The following FGF2 variants were observed in gnomAD, a reference collection of about 807,000 sequenced individuals.
FGF2 encodes the protein fibroblast growth factor 2.
In FGF2, 13 loss-of-function variants were observed where a neutral mutation model predicts 15.9. The ratio of observed to expected loss-of-function variants is 0.82; its 90% CI spans 0.53 to 1.30. The LOEUF is 1.30. Ranked by LOEUF, FGF2 falls within the 50% of genes most tolerant of loss-of-function variation. The pLI, the probability that FGF2 is intolerant of heterozygous loss-of-function variation, is 0.00. For missense variants in FGF2, 163 were observed against 196.9 expected (o/e 0.83, Z 1.03); for synonymous variants, 90 against 78.4 (o/e 1.15, Z -0.78).
At chr4:122,832,787 G>A (rs1374451184) in intron 1 of FGF2, among the ~76,000 whole-genome samples, 1 of 152,230 alleles carries the variant, frequency 6.6e-6, no homozygotes, top group Non-Finnish European at 1.5e-5. Flanking sequence ...ATGGCACTGT[G>A]ATTTTAAGTG....
intron 1 of FGF2, among the ~76,000 whole-genome samples, chr4:122,871,943 A>G (rs1207653876): frequency 6.6e-6 from 1 of 152,176 alleles, no homozygotes; most frequent in Non-Finnish European, 1.5e-5. Flanking sequence ...ATGAAAACCC[A>G]AAAGGCCAAA....
At chr4:122,875,202 TA>T (rs1726813780) in intron 1 of FGF2, among the ~76,000 whole-genome samples, 1 of 152,270 alleles carries the variant, frequency 6.6e-6, no homozygotes, top group South Asian at 2.1e-4. Flanking sequence ...TTATTTCAAT[TA>T]ATTAGGTAAT....
chr4:122,843,646 A>G (rs1726042850), intron 1 of FGF2, among the ~76,000 whole-genome samples: 1 of 152,182 alleles, frequency 6.6e-6, no homozygotes, highest in Non-Finnish European at 1.5e-5. Flanking sequence ...ACATATCTTC[A>G]AAGAAGATAT....
chr4:122,870,549 C>A (rs938995911), intron 1 of FGF2, among the ~76,000 whole-genome samples: 6 of 152,082 alleles, frequency 3.9e-5, no homozygotes, highest in African/African-American at 1.4e-4. Context: ...CTGGTTTAGC[C>A]TTGGGACGGT....
At chr4:122,865,475 A>G (rs114994047) in intron 1 of FGF2, among the ~76,000 whole-genome samples, 2,914 of 151,964 alleles carry the variant, frequency 0.019, 92 homozygotes, top group African/African-American at 0.066. Flanking sequence ...TATTTTTTGT[A>G]GAGTGGGGTT....
intron 1 of FGF2, among the ~76,000 whole-genome samples, chr4:122,845,846 G>T (rs777536288): frequency 9.3e-4 from 141 of 152,270 alleles, no homozygotes; most frequent in Admixed American, 2.6e-4. Context: ...TCATTCTTGT[G>T]TTCACTGGAG....
At chr4:122,854,775 A>G (rs1265270864) in intron 1 of FGF2, among the ~76,000 whole-genome samples, 1 of 152,184 alleles carries the variant, frequency 6.6e-6, no homozygotes, top group African/African-American at 2.4e-5. Flanking sequence ...AATGCTCGTC[A>G]TTGATTGAGA....
intron 1 of FGF2, among the ~76,000 whole-genome samples, chr4:122,855,371 T>G (rs1726318911): frequency 6.6e-6 from 1 of 152,260 alleles, no homozygotes; most frequent in Non-Finnish European, 1.5e-5. Context: ...GCTTATGATT[T>G]CAGCGTACTG....
chr4:122,891,593 C>T (rs1727190794), intron 2 of FGF2, among the ~76,000 whole-genome samples: 1 of 152,040 alleles, frequency 6.6e-6, no homozygotes. Flanking sequence ...TTATTTTTGG[C>T]ATTATATACC....
At chr4:122,846,307 AT>A (rs1726107837) in intron 1 of FGF2, among the ~76,000 whole-genome samples, 1 of 152,360 alleles carries the variant, frequency 6.6e-6, no homozygotes, top group Non-Finnish European at 1.5e-5. Context: ...AATTACCCAA[AT>A]GTGAGACAGA....
chr4:122,829,010 TTTAAA>T (rs1277638836), intron 1 of FGF2, among the ~76,000 whole-genome samples: 3 of 151,680 alleles, frequency 2.0e-5, no homozygotes, highest in African/African-American at 4.9e-5. Context: ...AGAATTTCCC[TTTAAA>T]TTAAATTAAT....
In FGF2 at chr4:122,827,285, G is replaced by A. The variant is rs759255044; in HGVS notation, c.111G>A (p.Gly37=). ...CCAAGCGGCTGTACTGCAAAAACGG[G>A]GGCTTCTTCCTGCGCATCCACCCCG... ...KDPKRLYCKN[G]GFFLRIHPDG... The change falls in exon 1 of 3, where the codon GGG becomes GGA. Residue 37 remains glycine, a synonymous_variant. Coordinates refer to ENST00000644866, the MANE Select transcript of FGF2 (RefSeq NM_001361665.2). The surrounding 1 kb of genome is among the most constrained non-coding windows in gnomAD (Gnocchi z 4.2). 3 of 1,612,948 alleles carry A rather than the reference G, an allele frequency of 1.9e-6. No individual in the cohort carries two copies. The highest frequency in any genetic ancestry group is 2.2e-5 in the East Asian group (1 of 44,856).
At chr4:122,885,722 A>T (rs150816078) in intron 2 of FGF2, among the ~76,000 whole-genome samples, 21 of 152,106 alleles carry the variant, frequency 1.4e-4, no homozygotes, top group Admixed American at 1.2e-3. Context: ...TACTTTATTC[A>T]TGTTTCCTTA....
rs556823409 is a variant in FGF2, at chr4:122,889,322, A to G, written c.283-2889A>G. On this transcript the variant is annotated intron_variant, in intron 2 of 2. Coordinates refer to ENST00000644866, the MANE Select transcript of FGF2 (RefSeq NM_001361665.2). ...AAGTTGTTATAAGCCCTTAGAAGCC[A>G]CTTTCTTTGTGGTGGCATTCCTCTG... 3.3e-5 allele frequency among the ~76,000 whole-genome samples: 5 copies of G among 152,312 alleles called. No individual in the cohort carries two copies. In the South Asian group the frequency reaches 6.2e-4, roughly 19 times the overall value.
At chr4:122,826,727 C>A (rs1440897166), upstream of FGF2, 3 of 1,255,840 alleles carry the variant, frequency 2.4e-6, no homozygotes, top group South Asian at 3.1e-5. Flanking sequence ...AAAACCCGAG[C>A]GAGTAGGGGG....
At chr4:122,844,391 A>C (rs1332231808) in intron 1 of FGF2, among the ~76,000 whole-genome samples, 1 of 152,170 alleles carries the variant, frequency 6.6e-6, no homozygotes, top group Admixed American at 6.5e-5. Context: ...GAACCCCCTC[A>C]AAGTCATCAT....
chr4:122,840,515 T>A (rs1725959606), intron 1 of FGF2: 1 of 152,716 alleles, frequency 6.5e-6, no homozygotes, highest in Non-Finnish European at 1.5e-5. Context: ...AAAGCGAGTG[T>A]CTTTGACACC....
intron 1 of FGF2, among the ~76,000 whole-genome samples, chr4:122,846,982 G>C (rs963074458): frequency 2.6e-5 from 4 of 152,204 alleles, no homozygotes; most frequent in African/African-American, 9.7e-5. Flanking sequence ...GGTCAGGCCT[G>C]TGCCCGCGCA....
chr4:122,866,761 A>G (rs1477534119), intron 1 of FGF2, among the ~76,000 whole-genome samples: 5 of 152,354 alleles, frequency 3.3e-5, no homozygotes, highest in Middle Eastern at 3.4e-3. Flanking sequence ...TTGCATTGGA[A>G]AACAGTCTGA....
Sources: gnomAD v4.1 joint callset for allele counts (sites outside exome capture counted in the v4.1 genomes callset) on GRCh38, gnomAD v4.1.1 for gene constraint, Gnocchi (gnomAD v3.1) non-coding constraint, MANE v1.5 for transcripts, NCBI Gene and HGNC (gene_info 2026-07-23, HGNC 2026-07-21) for gene names.